The following NPIPB8 variants were observed in gnomAD, a reference collection of about 807,000 sequenced individuals.
NPIPB8 encodes nuclear pore complex interacting protein family member B8.
A neutral mutation model predicts 5.3 loss-of-function variants in NPIPB8; 3 were observed. The ratio of observed to expected loss-of-function variants is 0.57; its 90% confidence interval spans 0.26 to 1.47. The LOEUF (loss-of-function observed/expected upper bound fraction) is 1.47. Ranked by LOEUF, NPIPB8 falls within the 40% of genes most tolerant of loss-of-function variation. The pLI is 0.13. For missense variants in NPIPB8, 50 were observed against 50.2 expected, an observed-to-expected ratio of 1.00 and a Z score of 0.01; for synonymous variants, 18 against 23.0, an observed-to-expected ratio of 0.78 and a Z score of 0.62.
rs1292583333 is a variant in NPIPB8, at chr16:28,642,947, G to A, written c.120+4467G>A. On this transcript the variant is annotated intron_variant, in intron 2 of 7. Transcript: ENST00000683297. Reference sequence around the variant, plus strand: ...AAGCAGTGGTTTTCAGCTGCCAGAGGCCTGAGAGAGTTTGGGCATACTCTG... The same window carrying A: ...AAGCAGTGGTTTTCAGCTGCCAGAGACCTGAGAGAGTTTGGGCATACTCTG... 5.9e-5 allele frequency among the ~76,000 whole-genome samples: 9 copies of A among 152,182 alleles called. 1 individual carries two copies. In the South Asian group the frequency reaches 1.7e-3, roughly 28 times the overall value.
Position 28,638,151 on chromosome 16 carries a change from G to A in NPIPB8, c.-39+1G>A. ...CTGTTTCACACAGAAGAAAACTGAGGTTAAAAGGGGTAAAGTAATTTTGCA... is the reference window on the plus strand; with the variant it reads ...CTGTTTCACACAGAAGAAAACTGAGATTAAAAGGGGTAAAGTAATTTTGCA... On this transcript the variant is annotated splice_donor_variant, in intron 1 of 7. Coordinates refer to ENST00000683297, the MANE Select transcript of NPIPB8 (RefSeq NM_001310136.2). LOFTEE classifies it low-confidence loss of function (5UTR_SPLICE). The A allele has an allele frequency of 3.1e-6, 2 of 641,380 alleles. No individual in the cohort carries two copies. Among genetic ancestry groups the A allele is most frequent in the Admixed American group, 3.0e-5 (1 of 33,494 alleles). 39.7% of individuals were successfully genotyped at this position (641,380 alleles called of 1,614,324 possible).
Position 28,639,419 on chromosome 16 carries a change from A to T in NPIPB8, c.120+939A>T, listed in dbSNP as rs1223577044. On this transcript the variant is annotated intron_variant, in intron 2 of 7. Coordinates refer to ENST00000683297, the MANE Select transcript of NPIPB8 (RefSeq NM_001310136.2). ...TAGATACACACACACACACACAGAC[A>T]CACACACAGACACACACACACACAC... Among the ~76,000 whole-genome samples the T allele has an allele frequency of 1.5e-4, 21 of 142,682 alleles. 1 individual carries two copies. The highest frequency in any genetic ancestry group is 5.3e-4 in the African/African-American group (19 of 35,904). 93.6% of individuals were successfully genotyped at this position (142,682 alleles called of 152,430 possible). A position where few individuals can be genotyped will look rare whatever the true frequency, so the allele number is the denominator to read the frequency against.
intron 2 of NPIPB8, among the ~76,000 whole-genome samples, chr16:28,639,463 T>A (rs1301124687): frequency 8.2e-4 from 110 of 133,606 alleles, no homozygotes; most frequent in Non-Finnish European, 1.2e-3. Context: ...ATATTTTTTT[T>A]TTTTTTTTTT....
chr16:28,640,286 C>A (rs1183415529), intron 2 of NPIPB8, among the ~76,000 whole-genome samples: 3 of 151,608 alleles, frequency 2.0e-5, no homozygotes, highest in Non-Finnish European at 2.9e-5. Flanking sequence ...AAAATGTACA[C>A]CACTGAAGGC....
At chr16:28,644,943 G>A (rs1030343604) in intron 2 of NPIPB8, among the ~76,000 whole-genome samples, 1 of 103,882 alleles carries the variant, frequency 9.6e-6, no homozygotes, top group Non-Finnish European at 2.0e-5. Flanking sequence ...ACGTTGCAGT[G>A]AGCTGAGATG....
At chr16:28,641,032 A>G (rs3987694) in intron 2 of NPIPB8, among the ~76,000 whole-genome samples, 22 of 152,144 alleles carry the variant, frequency 1.4e-4, no homozygotes, top group South Asian at 1.0e-3. Flanking sequence ...TGGAGGTTGT[A>G]AACTATTGCT....
intron 2 of NPIPB8, among the ~76,000 whole-genome samples, chr16:28,644,402 C>A (rs1317940163): frequency 5.9e-5 from 5 of 84,318 alleles, no homozygotes; most frequent in Non-Finnish European, 9.9e-5. Flanking sequence ...CCTTCTCTTC[C>A]TTTCCCTTCC....
intron 2 of NPIPB8, among the ~76,000 whole-genome samples, chr16:28,642,107 C>CTT (rs200990085): frequency 0.24 from 34,931 of 146,310 alleles, 4,489 homozygotes; most frequent in Non-Finnish European, 0.29. Context: ...TCTAGGGCTT[C>CTT]TTTTTTTTTT....
intron 2 of NPIPB8, among the ~76,000 whole-genome samples, chr16:28,642,465 A>G (rs1237155960): frequency 6.7e-6 from 1 of 148,950 alleles, no homozygotes; most frequent in African/African-American, 2.5e-5. Flanking sequence ...AGTTTTGTAA[A>G]CCCTGTTTTT....
At chr16:28,644,853 G>C (rs1295170537) in intron 2 of NPIPB8, among the ~76,000 whole-genome samples, 3 of 94,534 alleles carry the variant, frequency 3.2e-5, no homozygotes, top group Non-Finnish European at 6.7e-5. Context: ...AAAAAGATTA[G>C]TCGGGCCTGG....
intron 2 of NPIPB8, among the ~76,000 whole-genome samples, chr16:28,642,326 G>C (rs923876657): frequency 6.6e-6 from 1 of 151,748 alleles, no homozygotes; most frequent in African/African-American, 2.4e-5. Flanking sequence ...GGCTGGTCTC[G>C]AACTCCTAAC....
At chr16:28,641,547 T>G (rs2124835) in intron 2 of NPIPB8, among the ~76,000 whole-genome samples, 2 of 125,646 alleles carry the variant, frequency 1.6e-5, no homozygotes, top group African/African-American at 2.8e-5. Flanking sequence ...GAGCCCTACC[T>G]TCTGGCCTTC....
chr16:28,642,563 CAG>C (rs1392419691), intron 2 of NPIPB8, among the ~76,000 whole-genome samples: 2 of 151,288 alleles, frequency 1.3e-5, no homozygotes, highest in Non-Finnish European at 2.9e-5. Flanking sequence ...CGGCTCACTG[CAG>C]ACTCTGCCTC....
chr16:28,644,421 CCCCCTTCCCCTCCCCCT>C (rs1567332136), intron 2 of NPIPB8, among the ~76,000 whole-genome samples: 13 of 24,614 alleles, frequency 5.3e-4, no homozygotes, highest in African/African-American at 1.0e-3. Flanking sequence ...CCCTTACTTC[CCCCCTTCCCCTCCCCCT>C]CCCCTCCCCC....
intron 2 of NPIPB8, among the ~76,000 whole-genome samples, chr16:28,645,125 C>A (rs1274362550): frequency 1.5e-5 from 2 of 132,798 alleles, no homozygotes; most frequent in African/African-American, 5.5e-5. Flanking sequence ...CTCACTGCAA[C>A]CTCCGCTTCC....
intron 2 of NPIPB8, among the ~76,000 whole-genome samples, chr16:28,639,639 A>T (rs1424141362): frequency 7.2e-6 from 1 of 138,918 alleles, no homozygotes; most frequent in Non-Finnish European, 1.6e-5. Context: ...TATTCTTAGT[A>T]GAGATGGGGT....
intron 5 of NPIPB8, among the ~76,000 whole-genome samples, chr16:28,656,015 GT>G (rs1201774881): frequency 1.7e-3 from 23 of 13,190 alleles, no homozygotes; most frequent in Middle Eastern, 0.014. Flanking sequence ...TTTTGTTTTT[GT>G]TTTTGTTTTT....
At chr16:28,640,908 T>C (rs1251592180) in intron 2 of NPIPB8, among the ~76,000 whole-genome samples, 1 of 152,068 alleles carries the variant, frequency 6.6e-6, no homozygotes, top group African/African-American at 2.4e-5. Flanking sequence ...TGGAAGGATA[T>C]CAAGAGTAAA....
chr16:28,639,034 A>G (rs1213158244), intron 2 of NPIPB8, among the ~76,000 whole-genome samples: 1 of 142,654 alleles, frequency 7.0e-6, no homozygotes. Context: ...ACGCCATTGC[A>G]CTCCAGACTG....
Sources: gnomAD v4.1 joint callset for allele counts (sites outside exome capture counted in the v4.1 genomes callset) on GRCh38, gnomAD v4.1.1 for gene constraint, MANE v1.5 for transcripts, NCBI Gene and HGNC (gene_info 2026-07-23, HGNC 2026-07-21) for gene names.